THEMIS: variants seen among roughly 807,000 people sequenced by gnomAD.
The protein encoded by THEMIS is thymocyte selection associated.
THEMIS carries 37 observed loss-of-function variants against 52.6 expected under a neutral mutation model. The ratio of observed to expected loss-of-function variants is 0.70; its 90% confidence interval spans 0.54 to 0.93. The LOEUF (loss-of-function observed/expected upper bound fraction) is 0.93, where lower values mean the gene tolerates loss of function less well. Ranked by LOEUF, THEMIS falls within the 40% of genes least tolerant of loss-of-function variation. The pLI, the probability that THEMIS is intolerant of heterozygous loss-of-function variation, is 0.00. For missense variants in THEMIS, 808 were observed against 763.1 expected (o/e 1.06, Z -0.69); for synonymous variants, 292 against 272.7 (o/e 1.07, Z -0.70).
At chr6:127,804,844 TAAC>T (rs1273508896) in intron 4 of THEMIS, among the ~76,000 whole-genome samples, 2 of 152,290 alleles carry the variant, frequency 1.3e-5, no homozygotes, top group East Asian at 1.9e-4. Flanking sequence ...AAGCATTTGA[TAAC>T]AACAACAAAC....
chr6:127,713,346 A>G (rs1774046886), intron 5 of THEMIS, among the ~76,000 whole-genome samples: 1 of 151,892 alleles, frequency 6.6e-6, no homozygotes, highest in African/African-American at 2.4e-5. Flanking sequence ...GCATACAGAA[A>G]ATGTTTGATA....
chr6:127,710,040 T>TATC, intron 5 of THEMIS, 24 bp from the exon 6 acceptor site: 1 of 1,499,844 alleles, frequency 6.7e-7, no homozygotes, highest in Middle Eastern at 1.8e-4. Flanking sequence ...AAGAAGGGTT[T>TATC]ATCAGAAATA....
At chr6:127,742,393 T>C (rs1177132452) in intron 4 of THEMIS, among the ~76,000 whole-genome samples, 1 of 150,456 alleles carries the variant, frequency 6.6e-6, no homozygotes, top group African/African-American at 2.4e-5. Flanking sequence ...CACCAAATGA[T>C]GTAGTAACTC....
chr6:127,868,482 C>T (rs376640243), intron 1 of THEMIS: 5 of 985,340 alleles, frequency 5.1e-6, no homozygotes, highest in Non-Finnish European at 1.2e-6. Context: ...CCCAACCTTC[C>T]ACAAATGAAC....
At chr6:127,818,626 C>CA (rs1221051352) in intron 3 of THEMIS, among the ~76,000 whole-genome samples, 2 of 149,292 alleles carry the variant, frequency 1.3e-5, no homozygotes, top group African/African-American at 4.9e-5. Flanking sequence ...GGCAAAAAAG[C>CA]ACACTCTGAA....
chr6:127,813,808 C>T lies in THEMIS; in HGVS notation c.833G>A (p.Ser278Asn), dbSNP rs2114609555. The change falls in exon 4 of 6, where the codon AGT (serine) becomes AAT (asparagine). Residue 278 changes from serine (S) to asparagine (N), a missense_variant. Coordinates refer to ENST00000368248, the MANE Select transcript of THEMIS (RefSeq NM_001010923.3). ...LSTEDLFEMT[S>N]KEFPIVTEVI... is the part of the protein sequence containing the mutation. ...TTCAGTCACTATGGGGAACTCTTTA[C>T]TAGTCATTTCAAAAAGATCTTCTGT... 6.2e-7 allele frequency: 1 copy of T among 1,613,948 alleles called. No homozygotes were observed.
chr6:127,723,595 GC>G (rs1336909576), intron 4 of THEMIS, among the ~76,000 whole-genome samples: 1 of 151,964 alleles, frequency 6.6e-6, no homozygotes, highest in African/African-American at 2.4e-5. Flanking sequence ...GAGCTTGCAT[GC>G]CTTAGTAAGC....
At chr6:127,790,925 C>T (rs1777134549) in intron 4 of THEMIS, among the ~76,000 whole-genome samples, 1 of 152,220 alleles carries the variant, frequency 6.6e-6, no homozygotes, top group Admixed American at 6.5e-5. Flanking sequence ...AATGTGGTGG[C>T]ACCCAGAAAC....
intron 4 of THEMIS, among the ~76,000 whole-genome samples, chr6:127,784,416 T>G (rs907087539): frequency 3.9e-5 from 6 of 152,104 alleles, no homozygotes; most frequent in Admixed American, 3.9e-4. Context: ...TCCAGCAAAG[T>G]CCAGACTCTC....
chr6:127,885,065 A>T (rs1369877950), intron 1 of THEMIS, among the ~76,000 whole-genome samples: 1 of 152,184 alleles, frequency 6.6e-6, no homozygotes, highest in Non-Finnish European at 1.5e-5. Flanking sequence ...TAGGGTTTCA[A>T]CATATAAATT....
chr6:127,824,107 A>G (rs1778426419), intron 3 of THEMIS, among the ~76,000 whole-genome samples: 2 of 152,140 alleles, frequency 1.3e-5, no homozygotes, highest in African/African-American at 4.8e-5. Context: ...AAATGTCTGA[A>G]GAATGGTTAA....
In THEMIS at chr6:127,723,982, C is replaced by A. The variant is rs550657585; in HGVS notation, c.1759-4159G>T. Among the ~76,000 whole-genome samples the A allele has an allele frequency of 7.2e-5, 11 of 152,066 alleles. No homozygotes were observed. In the East Asian group the frequency reaches 1.9e-3, roughly 27 times the overall value. ...TTTAAATATAATAGGCATTAAATAACTACATATTAAATAAATAGGAAAATT... is the reference window on the plus strand; with the variant it reads ...TTTAAATATAATAGGCATTAAATAAATACATATTAAATAAATAGGAAAATT... On this transcript the variant is annotated intron_variant, in intron 4 of 5. Transcript: ENST00000368248.
At chr6:127,733,329 T>A (rs1471881079) in intron 4 of THEMIS, among the ~76,000 whole-genome samples, 1 of 152,246 alleles carries the variant, frequency 6.6e-6, no homozygotes, top group African/African-American at 2.4e-5. Context: ...TTGTTTCTAG[T>A]GATCTTTAAT....
chr6:127,859,760 G>A (rs1417439382), intron 1 of THEMIS, among the ~76,000 whole-genome samples: 1 of 152,130 alleles, frequency 6.6e-6, no homozygotes, highest in Non-Finnish European at 1.5e-5. Flanking sequence ...ATCTCTACTA[G>A]TTAAGTTTGC....
chr6:127,786,628 A>T (rs1055517427), intron 4 of THEMIS, among the ~76,000 whole-genome samples: 5 of 152,166 alleles, frequency 3.3e-5, no homozygotes, highest in Non-Finnish European at 7.4e-5. Context: ...TGTTTTATGA[A>T]CTAGAAAATT....
At chr6:127,893,438 C>G (rs1780870664) in intron 1 of THEMIS, among the ~76,000 whole-genome samples, 1 of 152,080 alleles carries the variant, frequency 6.6e-6, no homozygotes, top group South Asian at 2.1e-4. Context: ...GTGATAAAAC[C>G]TATTTTTTGT....
intron 4 of THEMIS, among the ~76,000 whole-genome samples, chr6:127,767,088 T>TC (rs1776224566): frequency 6.6e-6 from 1 of 151,424 alleles, no homozygotes; most frequent in African/African-American, 2.4e-5. Flanking sequence ...AAAAATATTT[T>TC]CTTTTTTTTT....
chr6:127,725,348 T>A (rs930538331), intron 4 of THEMIS, among the ~76,000 whole-genome samples: 2 of 151,968 alleles, frequency 1.3e-5, no homozygotes, highest in Non-Finnish European at 2.9e-5. Flanking sequence ...AGAATAAAAA[T>A]CGAATCACAT....
At chr6:127,833,686 A>C (rs1419177674) in intron 2 of THEMIS, among the ~76,000 whole-genome samples, 3 of 152,178 alleles carry the variant, frequency 2.0e-5, no homozygotes, top group Non-Finnish European at 4.4e-5. Context: ...TCCTACTTTG[A>C]AGGCTTTGAT....
Sources: gnomAD v4.1 joint callset for allele counts (sites outside exome capture counted in the v4.1 genomes callset) on GRCh38, gnomAD v4.1.1 for gene constraint, MANE v1.5 for transcripts, NCBI Gene and HGNC (gene_info 2026-07-23, HGNC 2026-07-21) for gene names.